Variants in TOP1MT observed in about 807,000 individuals in gnomAD.
TOP1MT encodes the protein DNA topoisomerase I, mitochondrial.
In TOP1MT, 80 loss-of-function variants were observed where a neutral mutation model predicts 73.9. The observed-to-expected ratio is 1.08, with a 90% confidence interval of 0.90 to 1.30. The LOEUF is 1.30. Among genes scored for constraint, TOP1MT ranks in the 50% most tolerant of loss-of-function variants. The pLI, the probability that TOP1MT is intolerant of heterozygous loss-of-function variation, is 0.00. For missense variants in TOP1MT, 815 were observed against 808.0 expected, an observed-to-expected ratio of 1.01 and a Z score of -0.10; for synonymous variants, 338 against 326.4, an observed-to-expected ratio of 1.04 and a Z score of -0.38.
chr8:143,321,799 CACACGCACGCT>C (rs1315426791), intron 7 of TOP1MT, among the ~76,000 whole-genome samples: 34 of 115,034 alleles, frequency 3.0e-4, no homozygotes, highest in Non-Finnish European at 4.8e-4. Context: ...ACGCACGCCA[CACACGCACGCT>C]ACACACACAC....
Position 143,331,189 on chromosome 8 carries a change from G to A in TOP1MT, c.238+35C>T, listed in dbSNP as rs760318021. On this transcript the variant is annotated intron_variant, in intron 2 of 13. Coordinates refer to ENST00000329245, the MANE Select transcript of TOP1MT (RefSeq NM_052963.3). ...GGAGCCCACGCCCAGGGAACCAAGC[G>A]CAGGCTGGGGAGGAGCCGCTCCCTG... The A allele has an allele frequency of 2.0e-5, 31 of 1,535,062 alleles. No individual in the cohort carries two copies. In the Admixed American group the frequency reaches 2.3e-4, roughly 11 times the overall value.
chr8:143,321,376 C>G lies in TOP1MT; in HGVS notation c.971G>C (p.Arg324Thr). Residue 324 changes from arginine (R) to threonine (T), a missense_variant, in exon 8 of 14, where the codon AGA (arginine) becomes ACA (threonine). Transcript: ENST00000329245. ...ACCGTCCTCCTTCTCATTTCCTGCT[C>G]TCAGTGCCAGCTAGTTGGTGGGGAA... ...ALYFIDKLALRAGNEKEDGEA... is the reference protein window; with the variant it reads ...ALYFIDKLALTAGNEKEDGEA... The G allele has an allele frequency of 6.3e-7, 1 of 1,586,800 alleles. No individual in the cohort carries two copies. The highest frequency in any genetic ancestry group is 8.6e-7 in the Non-Finnish European group (1 of 1,160,710).
At chr8:143,323,131 A>G (rs1320690347) in intron 7 of TOP1MT, among the ~76,000 whole-genome samples, 9 of 129,038 alleles carry the variant, frequency 7.0e-5, no homozygotes, top group African/African-American at 1.3e-4. Flanking sequence ...CCACACACAC[A>G]GGCACACCAC....
At chr8:143,325,921 A>G (rs1357974448) in intron 4 of TOP1MT, among the ~76,000 whole-genome samples, 1 of 152,246 alleles carries the variant, frequency 6.6e-6, no homozygotes, top group Non-Finnish European at 1.5e-5. Context: ...CGCATGGCAC[A>G]GAACAGCAAG....
intron 7 of TOP1MT, among the ~76,000 whole-genome samples, chr8:143,322,642 GCCACAC>G (rs1816499841): frequency 2.1e-4 from 2 of 9,568 alleles, no homozygotes; most frequent in South Asian, 5.3e-3. Flanking sequence ...ACACACACAC[GCCACAC>G]GCACACCACA....
chr8:143,321,223 T>C lies in TOP1MT; in HGVS notation c.1124A>G (p.Asn375Ser). The C allele has an allele frequency of 6.2e-7, 1 of 1,608,266 alleles. No homozygotes were observed. The part of the protein sequence containing the change: ...FLGKDCIRYY[N>S]RVPVEKPVYK... ...CACCGGCTTCTCCACCGGCACTCTG[T>C]TGTAGTAGCGGATGCAGTCCTTCCC... The change falls in exon 8 of 14, where the codon AAC (asparagine) becomes AGC (serine). Residue 375 changes from asparagine to serine, a missense_variant. Asn to Ser is a conservative substitution (Grantham distance 46). Around this residue, in one of 3 missense-constraint regions of TOP1MT, gnomAD observed 751 missense variants for 725.4 expected, o/e 1.04. Coordinates refer to ENST00000329245, the MANE Select transcript of TOP1MT (RefSeq NM_052963.3).
At chr8:143,317,072 CCT>C (rs1586751602) in intron 10 of TOP1MT, among the ~76,000 whole-genome samples, 1 of 152,256 alleles carries the variant, frequency 6.6e-6, no homozygotes, top group African/African-American at 2.4e-5. Context: ...CGTCAGCGCC[CCT>C]GAGCACCCAG....
intron 8 of TOP1MT, among the ~76,000 whole-genome samples, chr8:143,318,617 A>G (rs1445529402): frequency 6.6e-6 from 1 of 152,070 alleles, no homozygotes; most frequent in African/African-American, 2.4e-5. Flanking sequence ...TCCTCCTACA[A>G]GTGGCAGGCA....
chr8:143,338,728 C>G (rs1444394025), upstream of TOP1MT, among the ~76,000 whole-genome samples: 1 of 152,222 alleles, frequency 6.6e-6, no homozygotes, highest in Non-Finnish European at 1.5e-5. Flanking sequence ...CACCTCACAC[C>G]TGGGTGGCTG....
chr8:143,358,270 C>G (rs1817445495), upstream of TOP1MT, among the ~76,000 whole-genome samples: 1 of 152,198 alleles, frequency 6.6e-6, no homozygotes, highest in African/African-American at 2.4e-5. Flanking sequence ...GAAATACGCT[C>G]CTGTAACTCC....
At chr8:143,332,114 C>G (rs1816874431) in intron 1 of TOP1MT, among the ~76,000 whole-genome samples, 1 of 152,204 alleles carries the variant, frequency 6.6e-6, no homozygotes, top group East Asian at 1.9e-4. Context: ...ACAGCCCATC[C>G]TAACTCTCCA....
At chr8:143,345,835 A>T (rs563106862), upstream of TOP1MT, among the ~76,000 whole-genome samples, 67 of 152,214 alleles carry the variant, frequency 4.4e-4, no homozygotes, top group Admixed American at 3.5e-3. Flanking sequence ...ATTGCTTTTC[A>T]AACAAACCGT....
chr8:143,330,544 G>A (rs192531169), intron 2 of TOP1MT, among the ~76,000 whole-genome samples: 16 of 152,402 alleles, frequency 1.0e-4, no homozygotes, highest in Admixed American at 1.0e-3. Context: ...TGACTCGGCA[G>A]GGGGCCCACG....
chr8:143,321,662 A>G lies in TOP1MT; in HGVS notation c.961-276T>C, dbSNP rs1370159630. On this transcript the variant is annotated intron_variant, in intron 7 of 13. Coordinates refer to ENST00000329245, the MANE Select transcript of TOP1MT (RefSeq NM_052963.3). ...CACGCCACACACAGGCACGCCACAC[A>G]CACGCACGCCACACACGCACGCCAC... is the stretch of plus-strand genomic sequence containing the variant. Among the ~76,000 whole-genome samples the G allele has an allele frequency of 2.3e-3, 212 of 91,030 alleles. 8 individuals carry two copies. Among genetic ancestry groups the G allele is most frequent in the East Asian group, 6.5e-3 (14 of 2,160 alleles). The allele number at this position is 91,030 out of a possible 152,430, so 59.7% of individuals were successfully genotyped here. A position where few individuals can be genotyped will look rare whatever the true frequency, so the allele number is the denominator to read the frequency against.
intron 7 of TOP1MT, among the ~76,000 whole-genome samples, chr8:143,323,625 A>C (rs1816608680): frequency 1.1e-5 from 1 of 92,784 alleles, no homozygotes; most frequent in African/African-American, 3.2e-5. Context: ...CAGGCACGCC[A>C]CACACGCACG....
rs554048920 is a variant in TOP1MT, at chr8:143,327,690, A to T, written c.361-1346T>A. Reference sequence around the variant, plus strand: ...AGTGACTGGAAGAAGTGCTGACCAGAGGGAGAATGAGGATGCCGGGCAGCT... The same window carrying T: ...AGTGACTGGAAGAAGTGCTGACCAGTGGGAGAATGAGGATGCCGGGCAGCT... On this transcript the variant is annotated intron_variant, in intron 3 of 13. Coordinates refer to ENST00000329245, the MANE Select transcript of TOP1MT (RefSeq NM_052963.3). 4.9e-4 allele frequency: 191 copies of T among 391,166 alleles called. 1 individual carries two copies. The highest frequency in any genetic ancestry group is 2.0e-4 in the Non-Finnish European group (40 of 197,104). The allele number at this position is 391,166 out of a possible 1,614,324, so 24.2% of individuals were successfully genotyped here. A position where few individuals can be genotyped will look rare whatever the true frequency, so the allele number is the denominator to read the frequency against.
At chr8:143,321,428 C>T (rs776777163) in intron 7 of TOP1MT, 42 bp from the exon 8 acceptor site, 8 of 1,517,492 alleles carry the variant, frequency 5.3e-6, no homozygotes, top group South Asian at 2.5e-5. Flanking sequence ...TGCGTGCACA[C>T]GCACGCCACA....
Position 143,321,472 on chromosome 8 carries a change from G to GCCACA in TOP1MT, c.961-87_961-86insTGTGG, listed in dbSNP as rs1563757610. 6.2e-5 allele frequency: 60 copies of GCCACA among 962,632 alleles called. 3 individuals are homozygous for GCCACA. Among genetic ancestry groups the GCCACA allele is most frequent in the Admixed American group, 7.8e-5 (2 of 25,526 alleles). The allele number at this position is 962,632 out of a possible 1,614,324, so 59.6% of individuals were successfully genotyped here. A position where few individuals can be genotyped will look rare whatever the true frequency, so the allele number is the denominator to read the frequency against. ...CGCCACACACACGCACGCCACACAC[G>GCCACA]CACGCCACACGCACGCCACACACGC... On this transcript the variant is annotated intron_variant, in intron 7 of 13. Coordinates refer to ENST00000329245, the MANE Select transcript of TOP1MT (RefSeq NM_052963.3).
chr8:143,333,064 A>T (rs1816903177), intron 1 of TOP1MT, among the ~76,000 whole-genome samples: 2 of 152,196 alleles, frequency 1.3e-5, no homozygotes, highest in South Asian at 4.1e-4. Flanking sequence ...GCCCTGAAGG[A>T]TGCAAACCTA....
Sources: allele counts gnomAD v4.1 joint callset (sites outside exome capture counted in the v4.1 genomes callset), GRCh38; gene constraint gnomAD v4.1.1; regional missense constraint gnomAD v4.1.1; transcripts MANE v1.5; gene names NCBI Gene and HGNC (gene_info 2026-07-23, HGNC 2026-07-21).